MCPH1: variants seen among roughly 807,000 people sequenced by gnomAD.
MCPH1 encodes the protein microcephalin.
A neutral mutation model predicts 84.5 loss-of-function variants in MCPH1; 104 were observed. The ratio of observed to expected loss-of-function variants is 1.23; its 90% CI spans 1.05 to 1.45. The LOEUF is 1.45. Among genes scored for constraint, MCPH1 ranks in the 40% most tolerant of loss-of-function variants. The probability of loss-of-function intolerance (pLI) is 0.00; values close to 1 mark genes in which losing one functional copy is unlikely to be tolerated. For synonymous variants in MCPH1, 514 were observed against 366.8 expected, an observed-to-expected ratio of 1.40 and a Z score of -4.58; for missense variants, 1,498 against 1,005.7, an observed-to-expected ratio of 1.49 and a Z score of -6.62.
intron 12 of MCPH1, among the ~76,000 whole-genome samples, chr8:6,596,378 A>T (rs1330971942): frequency 6.6e-6 from 1 of 152,194 alleles, no homozygotes; most frequent in African/African-American, 2.4e-5. Flanking sequence ...GCATCATGGC[A>T]GGTTATACAC....
intron 12 of MCPH1, among the ~76,000 whole-genome samples, chr8:6,546,874 T>G (rs1192156419): frequency 6.6e-6 from 1 of 152,244 alleles, no homozygotes; most frequent in African/African-American, 2.4e-5. Flanking sequence ...ATAAATTGTG[T>G]AAGACCTTCA....
chr8:6,505,193 C>CTTATGTATGTATAGAATATATATATATTA (rs1813064047), intron 12 of MCPH1, among the ~76,000 whole-genome samples: 1 of 126,186 alleles, frequency 7.9e-6, no homozygotes, highest in Non-Finnish European at 1.6e-5. Context: ...TATATATATT[C>CTTATGTATGTATAGAATATATATATATTA]TTATGTATAT....
At chr8:6,617,953 A>T (rs565875572) in intron 12 of MCPH1, among the ~76,000 whole-genome samples, 27 of 129,274 alleles carry the variant, frequency 2.1e-4, no homozygotes, top group African/African-American at 7.2e-4. Context: ...CTTTCTATCT[A>T]TCTAGATGGG....
At chr8:6,602,577 G>A (rs892886205) in intron 12 of MCPH1, among the ~76,000 whole-genome samples, 28 of 152,096 alleles carry the variant, frequency 1.8e-4, no homozygotes, top group Admixed American at 1.8e-3. Flanking sequence ...TCCCCAAAGC[G>A]GGGAAGGCTG....
At chr8:6,547,640 C>G (rs1045235315) in intron 12 of MCPH1, among the ~76,000 whole-genome samples, 6 of 152,104 alleles carry the variant, frequency 3.9e-5, no homozygotes, top group African/African-American at 1.4e-4. Context: ...TCCTATCAAA[C>G]AGTGAGTGCC....
intron 13 of MCPH1, among the ~76,000 whole-genome samples, chr8:6,632,392 G>A (rs193133457): frequency 2.0e-5 from 3 of 152,214 alleles, no homozygotes; most frequent in East Asian, 3.9e-4. Flanking sequence ...AGTTTTAGTA[G>A]TAAGTTTTAC....
intron 3 of MCPH1, among the ~76,000 whole-genome samples, chr8:6,426,825 G>T (rs916682981): frequency 4.0e-5 from 6 of 149,278 alleles, no homozygotes; most frequent in East Asian, 3.9e-4. Flanking sequence ...GTATTTCATG[G>T]TTTTTTTTTT....
intron 12 of MCPH1, among the ~76,000 whole-genome samples, chr8:6,585,353 AC>A (rs1421587729): frequency 3.3e-5 from 5 of 152,182 alleles, no homozygotes; most frequent in Non-Finnish European, 7.3e-5. Flanking sequence ...TTGGGTGGAT[AC>A]TGCAGGGAGG....
intron 12 of MCPH1, among the ~76,000 whole-genome samples, chr8:6,593,400 G>A (rs551646772): frequency 1.1e-4 from 17 of 149,432 alleles, no homozygotes; most frequent in African/African-American, 3.2e-4. Context: ...TATGATTAAG[G>A]CTGCAGTGCA....
intron 11 of MCPH1, among the ~76,000 whole-genome samples, chr8:6,490,609 A>G (rs2129561058): frequency 6.6e-6 from 1 of 152,362 alleles, no homozygotes; most frequent in South Asian, 2.1e-4. Context: ...ATATTTGACG[A>G]CATTGTACAT....
rs1241271399 is a variant in MCPH1 at position 6,444,820 on chromosome 8, TC to T, written c.1100del (p.Pro367ArgfsTer76). 6.2e-7 allele frequency: 1 copy of T among 1,613,878 alleles called. No individual in the cohort carries two copies. The highest frequency in any genetic ancestry group is 8.5e-7 in the Non-Finnish European group (1 of 1,180,002). ...KRVSHGSHSP[P>X]KEKCKRKRST... ...GAGTATCACATGGCTCCCATTCACC[TC>T]CGAAGGAAAAATGCAAGAGAAAGAG... On this transcript the variant is annotated frameshift_variant, in exon 8 of 14. Coordinates refer to ENST00000344683, the MANE Select transcript of MCPH1 (RefSeq NM_024596.5). LOFTEE classifies it high-confidence loss of function.
Position 6,464,720 on chromosome 8 carries a change from A to T in MCPH1, c.1935+9468A>T, listed in dbSNP as rs538910257. ...CTATTTAAGATCTGCTGCTTTGGCC[A>T]GGTGTGGTGGCTCACGCCTATAATC... On this transcript the variant is annotated intron_variant, in intron 9 of 13. Transcript: ENST00000344683. 2.6e-5 allele frequency among the ~76,000 whole-genome samples: 4 copies of T among 152,316 alleles called. No homozygotes were observed. In the South Asian group the frequency reaches 8.3e-4, roughly 32 times the overall value.
At chr8:6,407,097 C>T (rs1006282874) in intron 1 of MCPH1, 96 of 310,938 alleles carry the variant, frequency 3.1e-4, no homozygotes, top group Non-Finnish European at 5.0e-5. Flanking sequence ...TTCACCCCTG[C>T]TGCCTTAGTC....
intron 12 of MCPH1, among the ~76,000 whole-genome samples, chr8:6,599,222 C>T (rs1425986857): frequency 6.6e-6 from 1 of 152,162 alleles, no homozygotes; most frequent in Non-Finnish European, 1.5e-5. Flanking sequence ...ATGCCTTCCT[C>T]CGCGGACCGG....
intron 8 of MCPH1, among the ~76,000 whole-genome samples, chr8:6,449,002 G>A (rs559251386): frequency 6.6e-6 from 1 of 152,036 alleles, no homozygotes; most frequent in Non-Finnish European, 1.5e-5. Context: ...TGTGGTGGGG[G>A]AATAATAACA....
chr8:6,631,090 T>C (rs1797127241), intron 13 of MCPH1, among the ~76,000 whole-genome samples: 1 of 152,182 alleles, frequency 6.6e-6, no homozygotes, highest in South Asian at 2.1e-4. Flanking sequence ...AGGAAAGCCA[T>C]CTTCAAGCCC....
At chr8:6,555,601 A>G (rs189595833) in intron 12 of MCPH1, among the ~76,000 whole-genome samples, 18 of 151,784 alleles carry the variant, frequency 1.2e-4, no homozygotes, top group Admixed American at 8.5e-4. Flanking sequence ...AGCTGAGACT[A>G]CAGGCATGTA....
chr8:6,439,973 T>C (rs1445358077), intron 6 of MCPH1, among the ~76,000 whole-genome samples: 2 of 152,236 alleles, frequency 1.3e-5, no homozygotes, highest in Non-Finnish European at 2.9e-5. Context: ...ATGAAAAAGA[T>C]ACGGGTTTGG....
chr8:6,465,830 G>A (rs899516532), intron 9 of MCPH1, among the ~76,000 whole-genome samples: 8 of 152,162 alleles, frequency 5.3e-5, no homozygotes, highest in African/African-American at 1.9e-4. Context: ...TGTCTTGAAG[G>A]CTAGAATTTA....
Sources: gnomAD v4.1 joint callset for allele counts (sites outside exome capture counted in the v4.1 genomes callset) on GRCh38, gnomAD v4.1.1 for gene constraint, MANE v1.5 for transcripts, NCBI Gene and HGNC (gene_info 2026-07-23, HGNC 2026-07-21) for gene names.